The following MED13L variants were observed in gnomAD, a reference collection of about 807,000 sequenced individuals.
MED13L encodes mediator of RNA polymerase II transcription subunit 13-like.
Under a neutral mutation model 220.9 loss-of-function variants are expected in MED13L, and 7 were observed. That is an observed-to-expected ratio of 0.03 (90% CI 0.02 to 0.06). The LOEUF (loss-of-function observed/expected upper bound fraction) is 0.06, where lower values mean the gene tolerates loss of function less well. Ranked by LOEUF, MED13L falls within the 10% of genes least tolerant of loss-of-function variation. The pLI, the probability that MED13L is intolerant of heterozygous loss-of-function variation, is 1.00. For synonymous variants in MED13L, 1,011 were observed against 1,015.2 expected (o/e 1.00, Z 0.08); for missense variants, 1,965 against 2,760.5 (o/e 0.71, Z 6.46).
chr12:116,145,441 T>C (rs2138065073), intron 2 of MED13L, among the ~76,000 whole-genome samples: 1 of 152,314 alleles, frequency 6.6e-6, no homozygotes, highest in East Asian at 1.9e-4. Context: ...TTCCTGCTTC[T>C]ATACAGTTGT....
chr12:116,258,835 G>A (rs1198394893), intron 1 of MED13L, among the ~76,000 whole-genome samples: 1 of 143,696 alleles, frequency 7.0e-6, no homozygotes, highest in South Asian at 2.2e-4. Flanking sequence ...TAAACTCACA[G>A]AAGAAATCTG....
At chr12:116,099,007 ACTG>A (rs1174505389) in intron 3 of MED13L, among the ~76,000 whole-genome samples, 1 of 152,208 alleles carries the variant, frequency 6.6e-6, no homozygotes, top group African/African-American at 2.4e-5. Context: ...ATTATCAATA[ACTG>A]CTACCAGAAT....
chr12:116,132,048 G>A (rs1565892657), intron 2 of MED13L, among the ~76,000 whole-genome samples: 1 of 152,110 alleles, frequency 6.6e-6, no homozygotes, highest in East Asian at 1.9e-4. Flanking sequence ...GGAGGCCAAG[G>A]CGGGCGGATC....
intron 4 of MED13L, among the ~76,000 whole-genome samples, chr12:116,052,606 A>C (rs1313317830): frequency 6.6e-6 from 1 of 152,190 alleles, no homozygotes; most frequent in African/African-American, 2.4e-5. Flanking sequence ...TCACTCTTAA[A>C]TGTCAGTTAG....
chr12:116,008,301 G>C, intron 10 of MED13L, 100 bp downstream of exon 10: 2 of 1,466,322 alleles, frequency 1.4e-6, no homozygotes, highest in Non-Finnish European at 1.8e-6. Context: ...ACAAAGAAAA[G>C]CCTACTTCAA....
At chr12:116,158,090 G>C (rs1878581454) in intron 2 of MED13L, among the ~76,000 whole-genome samples, 1 of 151,716 alleles carries the variant, frequency 6.6e-6, no homozygotes, top group Non-Finnish European at 1.5e-5. Context: ...GATGCAAGCT[G>C]CAAGGATCCA....
chr12:116,091,459 C>T (rs185850572), intron 4 of MED13L, among the ~76,000 whole-genome samples: 85 of 152,308 alleles, frequency 5.6e-4, no homozygotes, highest in Middle Eastern at 3.4e-3. Flanking sequence ...TTCAATTTAA[C>T]ATTCCCCTAT....
At chr12:116,221,414 T>C (rs1385233420) in intron 2 of MED13L, among the ~76,000 whole-genome samples, 1 of 151,354 alleles carries the variant, frequency 6.6e-6, no homozygotes, top group Non-Finnish European at 1.5e-5. Flanking sequence ...AAATTTTCCC[T>C]GAAATTCATT....
At chr12:115,999,124 C>A (rs2137340567) in intron 14 of MED13L, among the ~76,000 whole-genome samples, 1 of 152,222 alleles carries the variant, frequency 6.6e-6, no homozygotes, top group African/African-American at 2.4e-5. Flanking sequence ...AGTTAGTCTA[C>A]ACTGGAGGCC....
chr12:116,050,166 A>G (rs145175601), intron 4 of MED13L, among the ~76,000 whole-genome samples: 56 of 152,342 alleles, frequency 3.7e-4, no homozygotes, highest in African/African-American at 1.3e-3. Flanking sequence ...ATGGAAGTTA[A>G]AATTATGACT....
chr12:116,191,653 A>C (rs1345147704), intron 2 of MED13L, among the ~76,000 whole-genome samples: 3 of 152,126 alleles, frequency 2.0e-5, no homozygotes, highest in Non-Finnish European at 4.4e-5. Flanking sequence ...TTTAACTATC[A>C]AATTAAAAAA....
chr12:116,229,360 T>C (rs149438674), intron 2 of MED13L, among the ~76,000 whole-genome samples: 101 of 152,364 alleles, frequency 6.6e-4, no homozygotes, highest in African/African-American at 2.2e-3. Context: ...GTTTACTTTA[T>C]ATAAGTAGGT....
Position 116,059,098 on chromosome 12 carries a change from C to T in MED13L, c.480-36497G>A, listed in dbSNP as rs570306819. On this transcript the variant is annotated intron_variant, in intron 4 of 30. Coordinates refer to ENST00000281928, the MANE Select transcript of MED13L (RefSeq NM_015335.5). The stretch of plus-strand genomic sequence containing the variant: ...TCTTTTTTTTGTTAAGACAGGGTCT[C>T]GCTCTGTCACCCAGGATGGCGTGCA... Among the ~76,000 whole-genome samples the T allele has an allele frequency of 2.6e-5, 4 of 152,288 alleles. No homozygotes were observed. In the East Asian group the frequency reaches 5.8e-4, roughly 22 times the overall value.
intron 2 of MED13L, among the ~76,000 whole-genome samples, chr12:116,182,074 A>G (rs895898437): frequency 6.6e-6 from 1 of 152,078 alleles, no homozygotes; most frequent in Admixed American, 6.6e-5. Context: ...CACTTGCCTC[A>G]TGCCTTCTCC....
chr12:116,170,733 T>C (rs1400731962), intron 2 of MED13L, among the ~76,000 whole-genome samples: 3 of 151,882 alleles, frequency 2.0e-5, no homozygotes, highest in Non-Finnish European at 4.4e-5. Context: ...CCTGAGTAGC[T>C]GGGATTACAG....
chr12:116,000,730 A>T (rs1456810286), intron 14 of MED13L, among the ~76,000 whole-genome samples: 1 of 152,236 alleles, frequency 6.6e-6, no homozygotes, highest in Non-Finnish European at 1.5e-5. Flanking sequence ...CTATAACACA[A>T]TACTACCTTA....
intron 4 of MED13L, among the ~76,000 whole-genome samples, chr12:116,038,327 T>C (rs1348430455): frequency 6.6e-6 from 1 of 152,138 alleles, no homozygotes; most frequent in Non-Finnish European, 1.5e-5. Flanking sequence ...TATATCACTG[T>C]GAACAATCAA....
intron 5 of MED13L, among the ~76,000 whole-genome samples, chr12:116,021,952 A>G (rs1465076051): frequency 1.3e-5 from 2 of 152,214 alleles, no homozygotes; most frequent in African/African-American, 4.8e-5. Context: ...CCTATTACCA[A>G]TGGAGTTTAA....
chr12:116,096,525 T>G (rs1368678902), intron 4 of MED13L, 144 bp downstream of exon 4: 2 of 584,948 alleles, frequency 3.4e-6, no homozygotes, highest in Non-Finnish European at 6.1e-6. Flanking sequence ...TTTAATAATA[T>G]AGTATTTAAG....
Sources: allele counts gnomAD v4.1 joint callset (sites outside exome capture counted in the v4.1 genomes callset), GRCh38; gene constraint gnomAD v4.1.1; transcripts MANE v1.5; gene names NCBI Gene and HGNC (gene_info 2026-07-23, HGNC 2026-07-21).